Variants in ASPH observed in about 807,000 individuals in gnomAD.
ASPH encodes aspartyl/asparaginyl beta-hydroxylase.
Under a neutral mutation model 118.4 loss-of-function variants are expected in ASPH, and 100 were observed. The observed-to-expected ratio is 0.84, with a 90% confidence interval of 0.72 to 1.00. The LOEUF is 1.00. Ranked by LOEUF, ASPH falls within the 50% of genes least tolerant of loss-of-function variation. The pLI is 0.00. For synonymous variants in ASPH, 315 were observed against 325.6 expected (o/e 0.97, Z 0.35); for missense variants, 920 against 919.5 (o/e 1.00, Z -0.01).
At chr8:61,675,189 CA>C in intron 3 of ASPH, 3 of 549,158 alleles carry the variant, frequency 5.5e-6, no homozygotes, top group Non-Finnish European at 6.9e-6. Flanking sequence ...TTCTAAAAAT[CA>C]CATTACATCT....
intron 1 of ASPH, among the ~76,000 whole-genome samples, chr8:61,686,474 G>A (rs1023917307): frequency 1.3e-5 from 2 of 152,242 alleles, no homozygotes; most frequent in Non-Finnish European, 2.9e-5. Flanking sequence ...AAGCTTCTGT[G>A]AGGTCAGGAA....
rs553783042 is a variant in ASPH at position 61,611,216 on chromosome 8, A to G, written c.976+7762T>C. On this transcript the variant is annotated intron_variant, in intron 14 of 24. Coordinates refer to ENST00000379454, the MANE Select transcript of ASPH (RefSeq NM_004318.4). Reference sequence around the variant, plus strand: ...ATCATCCCCAACTTCAGCACCTTGCAACAGCCATAAACATTTATTGTATTT... The same window carrying G: ...ATCATCCCCAACTTCAGCACCTTGCGACAGCCATAAACATTTATTGTATTT... Among the ~76,000 whole-genome samples, 8 of 152,340 alleles carry G rather than the reference A, an allele frequency of 5.3e-5. No individual in the cohort carries two copies. The South Asian group carries it at 1.7e-3, about 32-fold the overall frequency.
chr8:61,626,212 CT>C, intron 13 of ASPH: 1 of 1,473,220 alleles, frequency 6.8e-7, no homozygotes. Context: ...TCACAGCCAT[CT>C]TTTGGAGCGT....
chr8:61,678,955 C>T (rs2151581503), intron 3 of ASPH, among the ~76,000 whole-genome samples: 1 of 152,258 alleles, frequency 6.6e-6, no homozygotes, highest in South Asian at 2.1e-4. Flanking sequence ...CCAACAATTT[C>T]ACCAGGCTGT....
chr8:61,676,072 A>G (rs574179478), intron 3 of ASPH: 2 of 1,599,140 alleles, frequency 1.3e-6, no homozygotes, highest in Admixed American at 3.3e-5. Flanking sequence ...CCCTGAATCA[A>G]GGTTACTGGT....
chr8:61,662,953 T>C, intron 3 of ASPH: 1 of 985,418 alleles, frequency 1.0e-6, no homozygotes, highest in Middle Eastern at 5.2e-4. Flanking sequence ...GCCATTGAAC[T>C]TAAAAACTAA....
At chr8:61,522,757 C>T (rs560980448) in intron 22 of ASPH, among the ~76,000 whole-genome samples, 2 of 152,286 alleles carry the variant, frequency 1.3e-5, no homozygotes, top group African/African-American at 4.8e-5. Flanking sequence ...GTCAATTAAA[C>T]CTCTTTTTGG....
chr8:61,587,137 CTAT>C (rs1374944439), intron 14 of ASPH, among the ~76,000 whole-genome samples: 2 of 152,174 alleles, frequency 1.3e-5, no homozygotes, highest in Non-Finnish European at 2.9e-5. Flanking sequence ...CTATGATCTT[CTAT>C]TATATTTATT....
In ASPH at chr8:61,552,321, C is replaced by T. The variant is rs76639204; in HGVS notation, c.1626+710G>A. On this transcript the variant is annotated intron_variant, in intron 20 of 24. Transcript: ENST00000379454. Reference sequence around the variant, plus strand: ...ACAGAGTTTTGAAATTTATAGCATGCGATGTCATGATTAATGAGACAATGT... The same window carrying T: ...ACAGAGTTTTGAAATTTATAGCATGTGATGTCATGATTAATGAGACAATGT... 6.5e-3 allele frequency among the ~76,000 whole-genome samples: 990 copies of T among 152,224 alleles called. 9 individuals are homozygous for T. The highest frequency in any genetic ancestry group is 7.8e-3 in the Non-Finnish European group (530 of 68,014).
rs1040853963 is a variant in ASPH at position 61,714,422 on chromosome 8, G to A, written c.-51C>T. On this transcript the variant is annotated 5_prime_UTR_variant, in exon 1 of 25. Coordinates refer to ENST00000379454, the MANE Select transcript of ASPH (RefSeq NM_004318.4). Reference sequence around the variant, plus strand: ...GGCTGGCGGACCTCCTTCAGTGCGCGGGGGTACACACGCGACGCGGGAACC... The same window carrying A: ...GGCTGGCGGACCTCCTTCAGTGCGCAGGGGTACACACGCGACGCGGGAACC... The A allele has an allele frequency of 2.2e-6, 3 of 1,393,466 alleles. No homozygotes were observed. The highest frequency in any genetic ancestry group is 3.1e-5 in the East Asian group (1 of 32,620). 86.3% of individuals were successfully genotyped at this position (1,393,466 alleles called of 1,614,324 possible).
intron 14 of ASPH, among the ~76,000 whole-genome samples, chr8:61,595,075 G>A (rs1206483700): frequency 2.0e-5 from 3 of 152,192 alleles, no homozygotes; most frequent in Non-Finnish European, 2.9e-5. Flanking sequence ...CACCAAAACA[G>A]AGTGGATATC....
chr8:61,625,934 A>G (rs935154677), intron 13 of ASPH: 20 of 1,085,826 alleles, frequency 1.8e-5, no homozygotes, highest in Non-Finnish European at 2.1e-5. Flanking sequence ...TACATCACCA[A>G]TATAATTATT....
At chr8:61,609,634 TATTA>T (rs1002038134) in intron 14 of ASPH, among the ~76,000 whole-genome samples, 4 of 152,166 alleles carry the variant, frequency 2.6e-5, no homozygotes, top group Non-Finnish European at 5.9e-5. Context: ...TTTTCACCAT[TATTA>T]ATATTTTCCT....
intron 21 of ASPH, among the ~76,000 whole-genome samples, chr8:61,535,275 T>C (rs1448800917): frequency 6.6e-6 from 1 of 152,118 alleles, no homozygotes; most frequent in African/African-American, 2.4e-5. Context: ...AAACAGCAGA[T>C]GGAAGGGGAT....
At chr8:61,648,860 A>G (rs1809430763) in intron 5 of ASPH, among the ~76,000 whole-genome samples, 1 of 146,598 alleles carries the variant, frequency 6.8e-6, no homozygotes, top group Non-Finnish European at 1.5e-5. Flanking sequence ...TTGTGAATGC[A>G]CCATGATGGG....
At chr8:61,706,758 C>T (rs1836801598) in intron 1 of ASPH, among the ~76,000 whole-genome samples, 1 of 152,168 alleles carries the variant, frequency 6.6e-6, no homozygotes, top group South Asian at 2.1e-4. Flanking sequence ...GATATGTGGA[C>T]TCATTACAAA....
intron 17 of ASPH, among the ~76,000 whole-genome samples, chr8:61,565,793 C>T (rs150149642): frequency 6.6e-6 from 1 of 152,326 alleles, no homozygotes; most frequent in Non-Finnish European, 1.5e-5. Flanking sequence ...TTTGAGGATA[C>T]ACCTACTGTG....
At chr8:61,511,082 T>G (rs1331526540) in intron 24 of ASPH, among the ~76,000 whole-genome samples, 3 of 152,196 alleles carry the variant, frequency 2.0e-5, no homozygotes. Context: ...CTATGAGGAA[T>G]TCATGATGAA....
intron 14 of ASPH, chr8:61,607,008 C>T (rs931081873): frequency 2.2e-5 from 9 of 400,754 alleles, no homozygotes; most frequent in Non-Finnish European, 3.6e-5. Flanking sequence ...TCCATGAAGA[C>T]TCCAGTTGCT....
Sources: allele counts gnomAD v4.1 joint callset (sites outside exome capture counted in the v4.1 genomes callset), GRCh38; gene constraint gnomAD v4.1.1; transcripts MANE v1.5; gene names NCBI Gene and HGNC (gene_info 2026-07-23, HGNC 2026-07-21).